ARHGEF3: variants seen among roughly 807,000 people sequenced by gnomAD.
ARHGEF3 encodes the protein 59.8 kDA protein.
Under a neutral mutation model 63.2 loss-of-function variants are expected in ARHGEF3, and 28 were observed. That is an observed-to-expected ratio of 0.44 (90% CI 0.33 to 0.61). The LOEUF (loss-of-function observed/expected upper bound fraction) is 0.61, where lower values mean the gene tolerates loss of function less well. ARHGEF3 is among the 20% of genes least tolerant of loss of function. The pLI, the probability that ARHGEF3 is intolerant of heterozygous loss-of-function variation, is 0.03. For missense variants in ARHGEF3, 533 were observed against 659.3 expected, an observed-to-expected ratio of 0.81 and a Z score of 2.10; for synonymous variants, 266 against 254.2, an observed-to-expected ratio of 1.05 and a Z score of -0.44.
At chr3:56,795,284 C>T (rs1218366194) in intron 1 of ARHGEF3, among the ~76,000 whole-genome samples, 2 of 152,130 alleles carry the variant, frequency 1.3e-5, no homozygotes, top group African/African-American at 2.4e-5. Context: ...AATTGGGCTA[C>T]ATGTTCTCAA....
intron 7 of ARHGEF3, among the ~76,000 whole-genome samples, chr3:56,739,803 G>C (rs1345240554): frequency 1.3e-5 from 2 of 152,150 alleles, no homozygotes; most frequent in Admixed American, 6.5e-5. Context: ...ACACAAGTTT[G>C]ACAGAAGATC....
At chr3:57,072,238 T>A (rs1462329393) in intron 1 of ARHGEF3, among the ~76,000 whole-genome samples, 2 of 152,198 alleles carry the variant, frequency 1.3e-5, no homozygotes, top group African/African-American at 4.8e-5. Flanking sequence ...AGAGTTACCA[T>A]ATACCTAGCA....
In ARHGEF3 at chr3:56,977,052, C is replaced by G. The variant is rs907749248; in HGVS notation, c.63-18163G>C. On this transcript the variant is annotated intron_variant, in intron 2 of 12. Transcript: ENST00000338458. ...TTAACTCATTTAATCCTCACAGGGG[C>G]CCTGTGGAATAAGGGCTGTAACAGA... Among the ~76,000 whole-genome samples, 38 of 152,088 alleles carry G rather than the reference C, an allele frequency of 2.5e-4. No homozygotes were observed. In the East Asian group the frequency reaches 6.8e-3, roughly 27 times the overall value.
intron 3 of ARHGEF3, among the ~76,000 whole-genome samples, chr3:56,910,913 C>T (rs911644553): frequency 6.6e-6 from 1 of 152,160 alleles, no homozygotes; most frequent in African/African-American, 2.4e-5. Flanking sequence ...CTTCATCCTG[C>T]AGGTGAAGAA....
At chr3:56,733,839 C>T (rs1440838690) in intron 8 of ARHGEF3, among the ~76,000 whole-genome samples, 1 of 151,728 alleles carries the variant, frequency 6.6e-6, no homozygotes, top group Non-Finnish European at 1.5e-5. Flanking sequence ...CAAAAATTAG[C>T]GAGGCGCGGT....
chr3:56,732,572 A>C, intron 8 of ARHGEF3, 148 bp from the exon 9 acceptor site: 1 of 907,232 alleles, frequency 1.1e-6, no homozygotes, highest in Admixed American at 2.5e-5. Context: ...AGGAGAACCA[A>C]AGTTGGGCAT....
At chr3:56,995,105 T>C (rs541977147) in intron 2 of ARHGEF3, among the ~76,000 whole-genome samples, 1 of 152,310 alleles carries the variant, frequency 6.6e-6, no homozygotes, top group Admixed American at 6.5e-5. Context: ...CTTTTCTTTA[T>C]AAATTACCCA....
intron 4 of ARHGEF3, among the ~76,000 whole-genome samples, chr3:56,840,923 T>C (rs1022322556): frequency 6.6e-6 from 1 of 152,226 alleles, no homozygotes; most frequent in Admixed American, 6.5e-5. Flanking sequence ...AAAAGGTTTT[T>C]TTAAAAACTG....
At chr3:56,854,231 G>T (rs753445865) in intron 4 of ARHGEF3, among the ~76,000 whole-genome samples, 5 of 151,934 alleles carry the variant, frequency 3.3e-5, no homozygotes, top group Admixed American at 1.3e-4. Context: ...GCACAAAAAG[G>T]GTGAGGACAA....
intron 3 of ARHGEF3, among the ~76,000 whole-genome samples, chr3:56,947,151 C>T (rs1278179385): frequency 6.6e-6 from 1 of 152,146 alleles, no homozygotes; most frequent in Non-Finnish European, 1.5e-5. Flanking sequence ...AAGGAACAAC[C>T]AGTACCAGCC....
intron 2 of ARHGEF3, among the ~76,000 whole-genome samples, chr3:57,028,230 G>A (rs1160069282): frequency 6.4e-4 from 90 of 140,466 alleles, no homozygotes; most frequent in African/African-American, 2.4e-3. Context: ...CTGCTATAAA[G>A]ACACATGCAC....
intron 2 of ARHGEF3, among the ~76,000 whole-genome samples, chr3:56,992,695 A>C (rs1701812198): frequency 6.6e-6 from 1 of 152,192 alleles, no homozygotes; most frequent in Admixed American, 6.5e-5. Flanking sequence ...CTCTGTGAAC[A>C]TGAGCTGCTC....
chr3:56,863,298 A>G (rs1000957596), intron 4 of ARHGEF3, among the ~76,000 whole-genome samples: 39 of 143,808 alleles, frequency 2.7e-4, no homozygotes, highest in Non-Finnish European at 4.1e-4. Context: ...CACCACACCC[A>G]GCTAATTTTT....
At chr3:56,976,245 G>A (rs563082431) in intron 2 of ARHGEF3, among the ~76,000 whole-genome samples, 3 of 152,172 alleles carry the variant, frequency 2.0e-5, no homozygotes, top group African/African-American at 4.8e-5. Flanking sequence ...GTTTCGTCAT[G>A]TTGGCCAAGC....
chr3:56,898,417 C>T (rs577034055), intron 3 of ARHGEF3: 132 of 153,984 alleles, frequency 8.6e-4, no homozygotes, highest in Non-Finnish European at 1.5e-3. Flanking sequence ...CCATGTTGGC[C>T]AGGCTGGTCT....
intron 3 of ARHGEF3, among the ~76,000 whole-genome samples, chr3:56,906,511 T>G (rs2108323048): frequency 6.6e-6 from 1 of 152,326 alleles, no homozygotes; most frequent in South Asian, 2.1e-4. Flanking sequence ...AACATCTTCT[T>G]AACAATTTTT....
In ARHGEF3 at chr3:57,075,398, C is replaced by A. The variant is rs78263747; in HGVS notation, c.-28+3828G>T. 3.5e-4 allele frequency: 58 copies of A among 167,170 alleles called. No individual in the cohort carries two copies. In the East Asian group the frequency reaches 0.011, roughly 32 times the overall value. The allele number at this position is 167,170 out of a possible 1,614,324, so 10.4% of individuals were successfully genotyped here. Reference sequence around the variant, plus strand: ...TGCCTCGCACAGAGTAGCCCTCTCTCCCTAAATGTTTTTGAATAAATGAAA... The same window carrying A: ...TGCCTCGCACAGAGTAGCCCTCTCTACCTAAATGTTTTTGAATAAATGAAA... On this transcript the variant is annotated intron_variant, in intron 1 of 12. Coordinates refer to the ARHGEF3 transcript ENST00000338458.
At chr3:56,952,453 T>C (rs193221436) in intron 3 of ARHGEF3, among the ~76,000 whole-genome samples, 2 of 152,310 alleles carry the variant, frequency 1.3e-5, no homozygotes, top group East Asian at 3.9e-4. Context: ...AGAACTCACT[T>C]ACACCATGCC....
chr3:56,969,197 A>G (rs1262069515), intron 2 of ARHGEF3, among the ~76,000 whole-genome samples: 1 of 152,352 alleles, frequency 6.6e-6, no homozygotes, highest in Middle Eastern at 3.4e-3. Context: ...GTAATATCCC[A>G]AACAAATACA....
Sources: gnomAD v4.1 joint callset for allele counts (sites outside exome capture counted in the v4.1 genomes callset) on GRCh38, gnomAD v4.1.1 for gene constraint, MANE v1.5 for transcripts, NCBI Gene and HGNC (gene_info 2026-07-23, HGNC 2026-07-21) for gene names.